DYRK4: variants seen among roughly 807,000 people sequenced by gnomAD.
The protein encoded by DYRK4 is dual specificity tyrosine-phosphorylation-regulated kinase 4.
Under a neutral mutation model 68.3 loss-of-function variants are expected in DYRK4, and 64 were observed. The ratio of observed to expected loss-of-function variants is 0.94; its 90% confidence interval spans 0.77 to 1.15. The LOEUF (loss-of-function observed/expected upper bound fraction) is 1.15, where lower values mean the gene tolerates loss of function less well. Among genes scored for constraint, DYRK4 ranks in the 50% most tolerant of loss-of-function variants. The pLI, the probability that DYRK4 is intolerant of heterozygous loss-of-function variation, is 0.00. For synonymous variants in DYRK4, 274 were observed against 289.9 expected (o/e 0.95, Z 0.56); for missense variants, 740 against 764.7 (o/e 0.97, Z 0.38).
Position 4,596,270 on chromosome 12 carries a change from T to A in DYRK4, c.749T>A (p.Ile250Asn). The A allele has an allele frequency of 6.2e-7, 1 of 1,614,164 alleles. No homozygotes were observed. The highest frequency in any genetic ancestry group is 8.5e-7 in the Non-Finnish European group (1 of 1,180,018). Residue 250 changes from isoleucine to asparagine, a missense_variant, in exon 7 of 15, where the codon ATC becomes AAC. Ile to Asn is a moderately radical substitution (Grantham distance 149, BLOSUM62 -3). Transcript: ENST00000543431. ...AATGAGCTGGTGGCCCTGAAAATCA[T>A]CAGGAACAAGAAGAGGTGTGGCTTG... ...KNNELVALKIIRNKKRFHQQA... is the reference protein window; with the variant it reads ...KNNELVALKINRNKKRFHQQA...
In DYRK4 at chr12:4,607,402, G is replaced by A; in HGVS notation, c.1360+15G>A. 7 of 1,613,952 alleles carry A rather than the reference G, an allele frequency of 4.3e-6. No homozygotes were observed. The highest frequency in any genetic ancestry group is 5.9e-6 in the Non-Finnish European group (7 of 1,179,902). ...GACATTCTTTGGTAAGTCCTAGTGT[G>A]TCTCATGAGGTGTCACAGGCCTTGA... is the stretch of plus-strand genomic sequence containing the variant. On this transcript the variant is annotated intron_variant, in intron 12 of 14. Coordinates refer to ENST00000543431, the MANE Select transcript of DYRK4 (RefSeq NM_001394779.1).
At position 4,596,893 on chromosome 12, in the gene DYRK4, A is replaced by G; in HGVS notation, c.905+164A>G. 2 of 1,463,156 alleles carry G rather than the reference A, an allele frequency of 1.4e-6. 1 individual carries two copies. The highest frequency in any genetic ancestry group is 2.9e-5 in the South Asian group (2 of 70,092). The allele number at this position is 1,463,156 out of a possible 1,614,324, so 90.6% of individuals were successfully genotyped here. A position where few individuals can be genotyped will look rare whatever the true frequency, so the allele number is the denominator to read the frequency against. On this transcript the variant is annotated intron_variant, in intron 8 of 14. Transcript: ENST00000543431. ...AATGCCCAGGAGCAAGGAGGTTGGGATGAAAGCAGGCCATCTTGGTATGCC... is the reference window on the plus strand; with the variant it reads ...AATGCCCAGGAGCAAGGAGGTTGGGGTGAAAGCAGGCCATCTTGGTATGCC...
chr12:4,603,891 C>A (rs1009703498), intron 10 of DYRK4, among the ~76,000 whole-genome samples: 2 of 152,178 alleles, frequency 1.3e-5, no homozygotes, highest in Non-Finnish European at 2.9e-5. Context: ...TCATTTCCCC[C>A]TTTGCATATT....
At chr12:4,587,300 G>A (rs968677395) in intron 2 of DYRK4, among the ~76,000 whole-genome samples, 7 of 152,064 alleles carry the variant, frequency 4.6e-5, no homozygotes, top group South Asian at 2.1e-4. Flanking sequence ...CCGTCCTCTC[G>A]GTTAAAGCCC....
intron 2 of DYRK4, among the ~76,000 whole-genome samples, chr12:4,574,979 C>T (rs1341191451): frequency 6.6e-6 from 1 of 152,228 alleles, no homozygotes; most frequent in Non-Finnish European, 1.5e-5. Context: ...CTCGGCATCC[C>T]AAAGTGCAGG....
chr12:4,580,703 G>T (rs1447708224), intron 2 of DYRK4: 5 of 400,472 alleles, frequency 1.2e-5, no homozygotes, highest in African/African-American at 1.1e-4. Flanking sequence ...TCTGGCCTCT[G>T]GGAAGGGATG....
intron 13 of DYRK4, 136 bp downstream of exon 13, chr12:4,610,420 T>G: frequency 1.1e-6 from 1 of 911,048 alleles, no homozygotes. Flanking sequence ...AGCTTTAAAG[T>G]CTACAAATTG....
intron 6 of DYRK4, among the ~76,000 whole-genome samples, chr12:4,595,904 C>T (rs1268674958): frequency 6.6e-6 from 1 of 152,238 alleles, no homozygotes; most frequent in Non-Finnish European, 1.5e-5. Context: ...GTCCTTTGTG[C>T]TGCTTGACAT....
At chr12:4,590,094 A>G in intron 3 of DYRK4, 1 of 1,239,818 alleles carries the variant, frequency 8.1e-7, no homozygotes, top group Non-Finnish European at 1.0e-6. Context: ...AGCTGTTGAA[A>G]GCCTGCAGCT....
chr12:4,599,270 C>CTTTTTTTTTTTTTTTTTTTTTT, intron 9 of DYRK4, 104 bp downstream of exon 9: 1 of 387,704 alleles, frequency 2.6e-6, no homozygotes, highest in Non-Finnish European at 4.1e-6. Context: ...TTGCCTTTGA[C>CTTTTTTTTTTTTTTTTTTTTTT]TTTTTTTTTT....
chr12:4,586,733 G>GAC (rs1565536109), intron 2 of DYRK4, among the ~76,000 whole-genome samples: 80 of 74,056 alleles, frequency 1.1e-3, no homozygotes, highest in African/African-American at 5.1e-3. Flanking sequence ...CACACACACA[G>GAC]ACACACACAC....
intron 2 of DYRK4, among the ~76,000 whole-genome samples, chr12:4,585,720 A>G (rs544413317): frequency 8.7e-4 from 132 of 152,384 alleles, no homozygotes; most frequent in African/African-American, 2.9e-3. Flanking sequence ...TGGCAAATGT[A>G]TACATATGTA....
At chr12:4,580,747 A>G (rs556814901) in intron 2 of DYRK4, 14 of 445,844 alleles carry the variant, frequency 3.1e-5, no homozygotes, top group African/African-American at 2.9e-4. Context: ...GTGAGCTGAT[A>G]TCACAGAAGC....
At chr12:4,566,006 A>G (rs1944672926) in intron 1 of DYRK4, among the ~76,000 whole-genome samples, 1 of 152,160 alleles carries the variant, frequency 6.6e-6, no homozygotes, top group Admixed American at 6.5e-5. Context: ...TGGCAGGAAA[A>G]ATTTTTGTGT....
intron 13 of DYRK4, 200 bp downstream of exon 13, chr12:4,610,484 G>A: frequency 2.1e-6 from 1 of 473,794 alleles, no homozygotes; most frequent in Non-Finnish European, 3.6e-6. Flanking sequence ...GGTTGTCAGG[G>A]CAGATGATTT....
At chr12:4,572,084 G>C (rs1173487053) in intron 2 of DYRK4, among the ~76,000 whole-genome samples, 1 of 152,166 alleles carries the variant, frequency 6.6e-6, no homozygotes, top group African/African-American at 2.4e-5. Flanking sequence ...CTCTCATAAA[G>C]CTTAAAATTG....
chr12:4,594,124 C>A (rs1024645717), intron 6 of DYRK4, among the ~76,000 whole-genome samples: 1 of 152,162 alleles, frequency 6.6e-6, no homozygotes, highest in Non-Finnish European at 1.5e-5. Flanking sequence ...TCAAGCATCC[C>A]TTTGGGAGCC....
chr12:4,566,784 A>G (rs543177358), intron 1 of DYRK4, among the ~76,000 whole-genome samples: 1 of 152,174 alleles, frequency 6.6e-6, no homozygotes, highest in African/African-American at 2.4e-5. Flanking sequence ...TTTGTGCAGG[A>G]TTTTTTCATA....
At chr12:4,590,148 TG>T in intron 3 of DYRK4, 181 bp from the exon 4 acceptor site, 2 of 1,359,958 alleles carry the variant, frequency 1.5e-6, no homozygotes, top group Non-Finnish European at 1.9e-6. Flanking sequence ...CCCATGTGTT[TG>T]TTGACTCTGC....
Sources: allele counts gnomAD v4.1 joint callset (sites outside exome capture counted in the v4.1 genomes callset), GRCh38; gene constraint gnomAD v4.1.1; transcripts MANE v1.5; gene names NCBI Gene and HGNC (gene_info 2026-07-23, HGNC 2026-07-21).